Variants in GABRA4 observed in about 807,000 individuals in gnomAD.
GABRA4 encodes the protein gamma-aminobutyric acid receptor subunit alpha-4.
A neutral mutation model predicts 49.7 loss-of-function variants in GABRA4; 12 were observed. The observed-to-expected ratio is 0.24, with a 90% CI of 0.15 to 0.39. The LOEUF is 0.39. Ranked by LOEUF, GABRA4 falls within the 10% of genes least tolerant of loss-of-function variation. The pLI, the probability that GABRA4 is intolerant of heterozygous loss-of-function variation, is 1.00. For missense variants in GABRA4, 506 were observed against 686.0 expected, an observed-to-expected ratio of 0.74 and a Z score of 2.93; for synonymous variants, 288 against 240.2, an observed-to-expected ratio of 1.20 and a Z score of -1.84.
chr4:46,944,727 C>G (rs1422852856), intron 8 of GABRA4, among the ~76,000 whole-genome samples: 1 of 152,024 alleles, frequency 6.6e-6, no homozygotes, highest in Non-Finnish European at 1.5e-5. Context: ...AAGGTTTATT[C>G]TGACACCCCA....
chr4:46,943,280 C>T (rs1721878049), intron 8 of GABRA4, among the ~76,000 whole-genome samples: 2 of 152,116 alleles, frequency 1.3e-5, no homozygotes, highest in African/African-American at 4.8e-5. Context: ...CACAAAACTT[C>T]AGCTGTTTCT....
rs767732000 is a variant in GABRA4, at chr4:46,928,463, C to T, written c.1427G>A (p.Arg476His). The T allele has an allele frequency of 1.4e-5, 23 of 1,613,476 alleles. No homozygotes were observed. The highest frequency in any genetic ancestry group is 1.1e-4 in the South Asian group (10 of 91,084). Residue 476 changes from arginine (R) to histidine (H), a missense_variant, in exon 9 of 9, where the codon CGT (arginine) becomes CAT (histidine). Around this residue, in one of 5 missense-constraint regions of GABRA4, gnomAD observed 243 missense variants for 210.8 expected, o/e 1.15. Coordinates refer to ENST00000264318, the MANE Select transcript of GABRA4 (RefSeq NM_000809.4). ...RKASVGSAST[R>H]HVFGSRLQRI... The stretch of plus-strand genomic sequence containing the variant: ...CTGCAGTCTTGATCCAAACACGTGA[C>T]GAGTAGAAGCAGATCCAACTGAAGC...
At chr4:46,989,072 T>C (rs1357556081) in intron 2 of GABRA4, among the ~76,000 whole-genome samples, 1 of 152,214 alleles carries the variant, frequency 6.6e-6, no homozygotes, top group East Asian at 1.9e-4. Flanking sequence ...TTCATTCCCA[T>C]TTCAGAGAGG....
At chr4:46,951,022 C>A (rs1336495674) in intron 8 of GABRA4, among the ~76,000 whole-genome samples, 1 of 151,770 alleles carries the variant, frequency 6.6e-6, no homozygotes, top group Non-Finnish European at 1.5e-5. Context: ...TACCTATCTG[C>A]ACTGGGAGAC....
In GABRA4 at chr4:46,943,846, G is replaced by T. The variant is rs76837143; in HGVS notation, c.1135-15091C>A. Among the ~76,000 whole-genome samples the T allele has an allele frequency of 3.6e-3, 543 of 152,024 alleles. 23 individuals are homozygous for T. In the East Asian group the frequency reaches 0.095, roughly 27 times the overall value. ...TGTAATACAGTTATGGGATACATGTGCTGTTTTGTTATATGCATAGATTGT... is the reference window on the plus strand; with the variant it reads ...TGTAATACAGTTATGGGATACATGTTCTGTTTTGTTATATGCATAGATTGT... On this transcript the variant is annotated intron_variant, in intron 8 of 8. Coordinates refer to ENST00000264318, the MANE Select transcript of GABRA4 (RefSeq NM_000809.4).
chr4:46,935,246 T>C (rs757764134), intron 8 of GABRA4, among the ~76,000 whole-genome samples: 12 of 152,126 alleles, frequency 7.9e-5, no homozygotes, highest in African/African-American at 2.7e-4. Context: ...AATACCGAAT[T>C]TGTCATTTAC....
At chr4:46,935,034 G>GA (rs1721562104) in intron 8 of GABRA4, among the ~76,000 whole-genome samples, 1 of 152,142 alleles carries the variant, frequency 6.6e-6, no homozygotes, top group Non-Finnish European at 1.5e-5. Context: ...ATTCAATGTA[G>GA]AAAAGCAGTA....
chr4:46,976,427 A>G (rs997061562), intron 5 of GABRA4, among the ~76,000 whole-genome samples: 21 of 150,866 alleles, frequency 1.4e-4, no homozygotes, highest in African/African-American at 5.1e-4. Flanking sequence ...TGTTTTGTCA[A>G]ACCTTCCAAA....
chr4:46,928,458 C>T lies in GABRA4; in HGVS notation c.1432G>A (p.Val478Met), dbSNP rs774499404. Residue 478 changes from valine to methionine, a missense_variant, in exon 9 of 9, where the codon GTG becomes ATG. Val to Met is a conservative substitution (Grantham distance 21). Coordinates refer to ENST00000264318, the MANE Select transcript of GABRA4 (RefSeq NM_000809.4). ...ATCCTCTGCAGTCTTGATCCAAACA[C>T]GTGACGAGTAGAAGCAGATCCAACT... ...ASVGSASTRH[V>M]FGSRLQRIKT... The T allele has an allele frequency of 3.5e-5, 57 of 1,613,528 alleles. No individual in the cohort carries two copies. The highest frequency in any genetic ancestry group is 2.2e-4 in the East Asian group (10 of 44,874).
At chr4:46,960,940 C>T (rs952924716) in intron 8 of GABRA4, among the ~76,000 whole-genome samples, 1 of 151,728 alleles carries the variant, frequency 6.6e-6, no homozygotes, top group African/African-American at 2.4e-5. Flanking sequence ...TTGAAAGTTT[C>T]CATGACAAGA....
intron 2 of GABRA4, among the ~76,000 whole-genome samples, chr4:46,984,137 C>T (rs951036208): frequency 6.6e-6 from 1 of 152,012 alleles, no homozygotes; most frequent in African/African-American, 2.4e-5. Context: ...TAATTTGCTG[C>T]CACATCATGA....
At chr4:46,952,460 C>A (rs1030168353) in intron 8 of GABRA4, among the ~76,000 whole-genome samples, 3 of 151,992 alleles carry the variant, frequency 2.0e-5, no homozygotes, top group Non-Finnish European at 2.9e-5. Context: ...TAAAAATTTT[C>A]TTTTTCCAAA....
At chr4:46,939,904 G>A (rs1052805133) in intron 8 of GABRA4, among the ~76,000 whole-genome samples, 2 of 151,932 alleles carry the variant, frequency 1.3e-5, no homozygotes, top group Non-Finnish European at 2.9e-5. Flanking sequence ...CTGTCATGAA[G>A]TGCTTATAGA....
intron 8 of GABRA4, among the ~76,000 whole-genome samples, chr4:46,929,453 A>G (rs745857299): frequency 2.0e-4 from 30 of 152,112 alleles, no homozygotes; most frequent in Non-Finnish European, 3.1e-4. Context: ...CAACAGTTGC[A>G]TAAATATCTG....
In GABRA4 at chr4:46,940,850, A is replaced by G. The variant is rs116695571; in HGVS notation, c.1135-12095T>C. Among the ~76,000 whole-genome samples, 624 of 152,230 alleles carry G rather than the reference A, an allele frequency of 4.1e-3. 2 individuals carry two copies. Among genetic ancestry groups the G allele is most frequent in the Non-Finnish European group, 7.0e-3 (473 of 67,990 alleles). ...TTATGGTTTCCAATGGGCATTATCA[A>G]AAAACATTCAACGTTTAACAAGGCT... On this transcript the variant is annotated intron_variant, in intron 8 of 8. Transcript: ENST00000264318.
chr4:46,947,659 G>A (rs1722027969), intron 8 of GABRA4, among the ~76,000 whole-genome samples: 1 of 152,028 alleles, frequency 6.6e-6, no homozygotes, highest in African/African-American at 2.4e-5. Context: ...TTAGACATCT[G>A]TAAGATGAAC....
chr4:46,992,968 C>A (rs148398743), intron 1 of GABRA4, 22 bp from the exon 2 acceptor site: 29 of 1,207,108 alleles, frequency 2.4e-5, no homozygotes, highest in Middle Eastern at 2.0e-4. Context: ...AAAAAAAAAA[C>A]CGGGGGCGGA....
At chr4:46,972,126 A>G (rs903381974) in intron 6 of GABRA4, among the ~76,000 whole-genome samples, 2 of 151,554 alleles carry the variant, frequency 1.3e-5, no homozygotes, top group Non-Finnish European at 3.0e-5. Flanking sequence ...CCAAAAATAA[A>G]TTTTCCTGGA....
intron 8 of GABRA4, among the ~76,000 whole-genome samples, chr4:46,953,242 C>T (rs1722233119): frequency 6.6e-6 from 1 of 152,080 alleles, no homozygotes; most frequent in Admixed American, 6.6e-5. Context: ...CACCTCACCA[C>T]CAATCTGAGT....
Sources: allele counts gnomAD v4.1 joint callset (sites outside exome capture counted in the v4.1 genomes callset), GRCh38; gene constraint gnomAD v4.1.1; regional missense constraint gnomAD v4.1.1; transcripts MANE v1.5; gene names NCBI Gene and HGNC (gene_info 2026-07-23, HGNC 2026-07-21).